SGCD: variants seen among roughly 807,000 people sequenced by gnomAD.
SGCD encodes delta-sarcoglycan.
SGCD carries 18 observed loss-of-function variants against 36.6 expected under a neutral mutation model. That is an observed-to-expected ratio of 0.49 (90% CI 0.34 to 0.73). The LOEUF is 0.73. Among genes scored for constraint, SGCD ranks in the 30% least tolerant of loss-of-function variants. The pLI, the probability that SGCD is intolerant of heterozygous loss-of-function variation, is 0.01. For missense variants in SGCD, 387 were observed against 346.7 expected (o/e 1.12, Z -0.92); for synonymous variants, 133 against 130.6 (o/e 1.02, Z -0.12).
At chr5:155,921,484 G>C (rs1407855246) in intron 1 of SGCD, among the ~76,000 whole-genome samples, 1 of 152,036 alleles carries the variant, frequency 6.6e-6, no homozygotes, top group Non-Finnish European at 1.5e-5. Flanking sequence ...GCATGCATAA[G>C]TGCTGATGGG....
At chr5:156,680,846 G>A (rs1033610237) in intron 7 of SGCD, among the ~76,000 whole-genome samples, 1 of 152,202 alleles carries the variant, frequency 6.6e-6, no homozygotes, top group Admixed American at 6.5e-5. Flanking sequence ...GCATAATGCT[G>A]AGACAGGATA....
intron 3 of SGCD, among the ~76,000 whole-genome samples, chr5:156,505,692 T>C (rs1756663510): frequency 6.6e-6 from 1 of 152,152 alleles, no homozygotes; most frequent in African/African-American, 2.4e-5. Context: ...TTTTCATTCA[T>C]ATATTTTGCT....
chr5:156,526,518 C>T (rs1757648498), intron 4 of SGCD, among the ~76,000 whole-genome samples: 1 of 152,092 alleles, frequency 6.6e-6, no homozygotes, highest in Non-Finnish European at 1.5e-5. Context: ...GTTAACTGGA[C>T]CATGAAGTAT....
intron 3 of SGCD, among the ~76,000 whole-genome samples, chr5:156,299,921 A>G (rs1581228346): frequency 6.6e-6 from 1 of 152,086 alleles, no homozygotes; most frequent in East Asian, 1.9e-4. Flanking sequence ...GAAGCCCTTT[A>G]TTTCTTTCTC....
chr5:156,579,728 T>A (rs1760162637), intron 4 of SGCD, among the ~76,000 whole-genome samples: 2 of 152,212 alleles, frequency 1.3e-5, no homozygotes, highest in Admixed American at 6.5e-5. Flanking sequence ...GAGACTAGGA[T>A]TGCAACTCCT....
chr5:155,856,836 A>G, the SGCD span, among the ~76,000 whole-genome samples: 2 of 152,238 alleles, frequency 1.3e-5, no homozygotes, highest in Non-Finnish European at 2.9e-5. Context: ...GTTAAAAAGA[A>G]GAACCATAAC....
At chr5:156,586,560 G>C (rs1760502669) in intron 4 of SGCD, among the ~76,000 whole-genome samples, 1 of 152,110 alleles carries the variant, frequency 6.6e-6, no homozygotes, top group South Asian at 2.1e-4. Flanking sequence ...GGGTAGATTT[G>C]ACTATTCAAC....
At chr5:156,350,556 C>G (rs1769200488) in intron 3 of SGCD, among the ~76,000 whole-genome samples, 1 of 152,016 alleles carries the variant, frequency 6.6e-6, no homozygotes, top group South Asian at 2.1e-4. Flanking sequence ...AGCATCTTAC[C>G]AAGTTTTCTT....
At chr5:156,602,625 A>G (rs1467676471) in intron 6 of SGCD, among the ~76,000 whole-genome samples, 2 of 152,010 alleles carry the variant, frequency 1.3e-5, no homozygotes, top group Non-Finnish European at 2.9e-5. Flanking sequence ...TACCTTTTAT[A>G]CCTAATTTGA....
At chr5:155,729,562 G>C in the SGCD span, among the ~76,000 whole-genome samples, 1 of 152,190 alleles carries the variant, frequency 6.6e-6, no homozygotes, top group African/African-American at 2.4e-5. Context: ...CTTGATCCGC[G>C]GTGCGGTGCG....
intron 4 of SGCD, among the ~76,000 whole-genome samples, chr5:156,547,354 T>C (rs1485438541): frequency 2.6e-5 from 4 of 152,168 alleles, no homozygotes; most frequent in African/African-American, 9.7e-5. Context: ...AAAATCACCC[T>C]GGTTCCCTGG....
At chr5:155,778,541 G>A in the SGCD span, among the ~76,000 whole-genome samples, 10 of 152,182 alleles carry the variant, frequency 6.6e-5, no homozygotes, top group South Asian at 2.1e-4. Flanking sequence ...ATAAATAAAC[G>A]TATTGTTAAC....
At chr5:156,332,098 A>T (rs1035675628) in intron 2 of SGCD, among the ~76,000 whole-genome samples, 1 of 152,202 alleles carries the variant, frequency 6.6e-6, no homozygotes, top group Non-Finnish European at 1.5e-5. Flanking sequence ...TCTGGACAGC[A>T]TAATTTTTAC....
chr5:156,743,214 C>A (rs1374041922), intron 7 of SGCD, among the ~76,000 whole-genome samples: 1 of 150,788 alleles, frequency 6.6e-6, no homozygotes, highest in African/African-American at 2.4e-5. Flanking sequence ...TGGGTTCAAG[C>A]GATTCTCCTG....
intron 6 of SGCD, among the ~76,000 whole-genome samples, chr5:156,622,447 T>TAATAAC (rs1762287831): frequency 7.2e-6 from 1 of 139,604 alleles, no homozygotes; most frequent in African/African-American, 2.9e-5. Context: ...ATAATAATAA[T>TAATAAC]AATAATAATA....
chr5:156,282,778 C>A (rs1035860230), intron 3 of SGCD, among the ~76,000 whole-genome samples: 1 of 151,980 alleles, frequency 6.6e-6, no homozygotes, highest in Non-Finnish European at 1.5e-5. Flanking sequence ...TGCAGCCTTG[C>A]CATTACTTTC....
At chr5:156,316,914 G>C (rs915788129) in intron 3 of SGCD, among the ~76,000 whole-genome samples, 3 of 152,074 alleles carry the variant, frequency 2.0e-5, no homozygotes, top group African/African-American at 7.2e-5. Flanking sequence ...AGTTTTAAGA[G>C]AGGATCCATT....
chr5:156,237,164 A>C (rs188201573), intron 3 of SGCD, among the ~76,000 whole-genome samples: 54 of 152,300 alleles, frequency 3.5e-4, no homozygotes, highest in Admixed American at 2.5e-3. Flanking sequence ...ACAACAACAA[A>C]AAATTTAAAT....
intron 7 of SGCD, among the ~76,000 whole-genome samples, chr5:156,755,096 A>C (rs1002936128): frequency 6.6e-6 from 1 of 152,222 alleles, no homozygotes; most frequent in Non-Finnish European, 1.5e-5. Context: ...ACATTTGAGA[A>C]TGCTTCTAAG....
Sources: gnomAD v4.1 joint callset for allele counts (sites outside exome capture counted in the v4.1 genomes callset) on GRCh38, gnomAD v4.1.1 for gene constraint, MANE v1.5 for transcripts, NCBI Gene and HGNC (gene_info 2026-07-23, HGNC 2026-07-21) for gene names.